Variants in FAM163B observed in about 807,000 individuals in gnomAD.
The protein encoded by FAM163B is family with sequence similarity 163 member B.
FAM163B carries 4 observed loss-of-function variants against 7.6 expected under a neutral mutation model. That is an observed-to-expected ratio of 0.52 (90% CI 0.26 to 1.20). The LOEUF is 1.20. Ranked by LOEUF, FAM163B falls within the 50% of genes most tolerant of loss-of-function variation. The probability of loss-of-function intolerance (pLI) is 0.14; values close to 1 mark genes in which losing one functional copy is unlikely to be tolerated. For synonymous variants in FAM163B, 120 were observed against 111.6 expected, an observed-to-expected ratio of 1.07 and a Z score of -0.47; for missense variants, 250 against 243.0, an observed-to-expected ratio of 1.03 and a Z score of -0.19.
intron 2 of FAM163B, among the ~76,000 whole-genome samples, 177 bp from the exon 3 acceptor site, chr9:133,579,606 C>T (rs771476298): frequency 0.015 from 2,342 of 152,354 alleles, 32 homozygotes; most frequent in Non-Finnish European, 0.026. Flanking sequence ...TCAGGCCAGG[C>T]GCAGTGCTGA....
rs1831695458 is a variant in FAM163B at position 133,600,049 on chromosome 9, G to T, written c.-24+9028C>A. 1.4e-5 allele frequency among the ~76,000 whole-genome samples: 2 copies of T among 144,262 alleles called. No individual in the cohort carries two copies. Among genetic ancestry groups the T allele is most frequent in the Non-Finnish European group, 3.0e-5 (2 of 66,738 alleles). 94.6% of individuals were successfully genotyped at this position (144,262 alleles called of 152,430 possible). Reference sequence around the variant, plus strand: ...GCATGTATGTGTGGTCTGTGTGGATGTGTGTGAGTTTGTGTGTGCATGTGT... The same window carrying T: ...GCATGTATGTGTGGTCTGTGTGGATTTGTGTGAGTTTGTGTGTGCATGTGT... On this transcript the variant is annotated intron_variant, in intron 1 of 2. Transcript: ENST00000673969. This position sits in a 1 kb window ranked among gnomAD's most constrained non-coding sequence, Gnocchi z 4.9.
intron 1 of FAM163B, among the ~76,000 whole-genome samples, chr9:133,607,073 T>A (rs1362221358): frequency 6.6e-6 from 1 of 152,100 alleles, no homozygotes; most frequent in Non-Finnish European, 1.5e-5. Context: ...TCCGAAGATT[T>A]CAAAACTGCT....
chr9:133,594,885 G>C (rs1254384031), intron 1 of FAM163B, among the ~76,000 whole-genome samples: 1 of 152,266 alleles, frequency 6.6e-6, no homozygotes, highest in South Asian at 2.1e-4. Flanking sequence ...GGCAGGGCAA[G>C]GCAGGACCTG....
intron 1 of FAM163B, among the ~76,000 whole-genome samples, chr9:133,586,715 C>G (rs1056280656): frequency 6.6e-6 from 1 of 152,152 alleles, no homozygotes; most frequent in African/African-American, 2.4e-5. Context: ...GCTGTTTCCA[C>G]GTTGGGCCAG....
chr9:133,596,259 G>A (rs10761413), intron 1 of FAM163B, among the ~76,000 whole-genome samples: 87,100 of 151,900 alleles, frequency 0.57, 25,982 homozygotes, highest in African/African-American at 0.73. Flanking sequence ...GGGAGCCCCC[G>A]AGTTTGCCAT....
intron 1 of FAM163B, among the ~76,000 whole-genome samples, chr9:133,604,073 C>A (rs909206841): frequency 6.6e-6 from 1 of 152,212 alleles, no homozygotes; most frequent in Non-Finnish European, 1.5e-5. Flanking sequence ...AACTCCTGAC[C>A]TCAAGTAATC....
rs1831317656 is a variant in FAM163B, at chr9:133,579,391, C to T, written c.132G>A (p.Glu44=). ...CCKKDESEED[E]EEPDFAVHSH... ...AGTGAACGGCGAAGTCTGGTTCCTC[C>T]TCGTCCTCCTCCGACTCGTCCTTCT... Residue 44 remains glutamate, a synonymous_variant, in exon 3 of 3, where the codon GAG becomes GAA. Coordinates refer to ENST00000673969, the MANE Select transcript of FAM163B (RefSeq NM_001080515.3). 8.1e-6 allele frequency: 13 copies of T among 1,609,724 alleles called. No individual in the cohort carries two copies. Among genetic ancestry groups the T allele is most frequent in the Non-Finnish European group, 1.1e-5 (13 of 1,178,674 alleles).
In FAM163B at chr9:133,602,325, C is replaced by T. The variant is rs554666430; in HGVS notation, c.-24+6752G>A. ...ACAGAGAGGTTTAGTAATGTGCCTA[C>T]GCTTACCAGCTGGAAGAGTTCGAAT... On this transcript the variant is annotated intron_variant, in intron 1 of 2. Transcript: ENST00000673969. Among the ~76,000 whole-genome samples the T allele has an allele frequency of 9.8e-5, 15 of 152,330 alleles. No individual in the cohort carries two copies. In the East Asian group the frequency reaches 2.7e-3, roughly 27 times the overall value.
Position 133,601,226 on chromosome 9 carries a change from C to T in FAM163B, c.-24+7851G>A, listed in dbSNP as rs559076314. ...GAGCCTCTGAGCTCTCTGGGCAGGG[C>T]GCGCCTTTGGAGCCGACTCAGTGAT... On this transcript the variant is annotated intron_variant, in intron 1 of 2. Transcript: ENST00000673969. This position sits in a 1 kb window ranked among gnomAD's most constrained non-coding sequence, Gnocchi z 4.1. Among the ~76,000 whole-genome samples, 4 of 152,312 alleles carry T rather than the reference C, an allele frequency of 2.6e-5. No individual in the cohort carries two copies. Among genetic ancestry groups the T allele is most frequent in the South Asian group, 2.1e-4 (1 of 4,818 alleles).
In FAM163B at chr9:133,584,089, G is replaced by T. The variant is rs796343265; in HGVS notation, c.-23-3843C>A. 9.3e-3 allele frequency among the ~76,000 whole-genome samples: 1,399 copies of T among 151,166 alleles called. 20 individuals are homozygous for T. The highest frequency in any genetic ancestry group is 0.033 in the African/African-American group (1,337 of 41,034). ...ACCACGCCATCAAAGCCCAGCACGT[G>T]CCCTCCTCTCCCAGGAAGCCTTCCT... On this transcript the variant is annotated intron_variant, in intron 1 of 2. Transcript: ENST00000673969.
rs1010582137 is a variant in FAM163B at position 133,580,304 on chromosome 9, G to A, written c.-23-58C>T. On this transcript the variant is annotated intron_variant, in intron 1 of 2. Transcript: ENST00000673969. Reference sequence around the variant, plus strand: ...CGCTTCCTCACCACAAAAGTCACTCGTGCTATTCTAGAGAACTGAGAAGAC... The same window carrying A: ...CGCTTCCTCACCACAAAAGTCACTCATGCTATTCTAGAGAACTGAGAAGAC... 19 of 1,315,750 alleles carry A rather than the reference G, an allele frequency of 1.4e-5. 1 individual carries two copies. The highest frequency in any genetic ancestry group is 1.8e-4 in the Middle Eastern group (1 of 5,518). 81.5% of individuals were successfully genotyped at this position (1,315,750 alleles called of 1,614,324 possible).
intron 1 of FAM163B, among the ~76,000 whole-genome samples, chr9:133,592,283 T>TGCA (rs1489954629): frequency 3.3e-5 from 5 of 152,116 alleles, no homozygotes; most frequent in African/African-American, 1.2e-4. Flanking sequence ...ATTTCTTGTC[T>TGCA]ACAGGAATCA....
chr9:133,589,954 G>A (rs1831512536), intron 1 of FAM163B, among the ~76,000 whole-genome samples: 4 of 152,210 alleles, frequency 2.6e-5, no homozygotes, highest in Admixed American at 1.3e-4. Context: ...CTCAGCTGCC[G>A]ACGGGGCTGG....
chr9:133,594,027 G>A (rs1007258455), intron 1 of FAM163B, among the ~76,000 whole-genome samples: 11 of 152,328 alleles, frequency 7.2e-5, no homozygotes, highest in African/African-American at 2.4e-4. Flanking sequence ...CTGGGGCTGC[G>A]GGGACATTTC....
At position 133,600,069 on chromosome 9, in the gene FAM163B, A is replaced by G. The variant is rs531464329; in HGVS notation, c.-24+9008T>C. On this transcript the variant is annotated intron_variant, in intron 1 of 2. Coordinates refer to ENST00000673969, the MANE Select transcript of FAM163B (RefSeq NM_001080515.3). The surrounding 1 kb of genome is among the most constrained non-coding windows in gnomAD (Gnocchi z 4.9). ...TGGATGTGTGTGAGTTTGTGTGTGC[A>G]TGTGTGTGTGTCTGTGTGCATGTGT... is the stretch of plus-strand genomic sequence containing the variant. Among the ~76,000 whole-genome samples, 44 of 127,462 alleles carry G rather than the reference A, an allele frequency of 3.5e-4. No individual in the cohort carries two copies. The highest frequency in any genetic ancestry group is 1.4e-3 in the African/African-American group (42 of 29,516). The allele number at this position is 127,462 out of a possible 152,430, so 83.6% of individuals were successfully genotyped here. A position where few individuals can be genotyped will look rare whatever the true frequency, so the allele number is the denominator to read the frequency against.
chr9:133,586,154 G>A (rs1214321423), intron 1 of FAM163B: 2 of 152,214 alleles, frequency 1.3e-5, no homozygotes, highest in African/African-American at 4.8e-5. Flanking sequence ...GTTGGTCTCC[G>A]AGATGTTATC....
At chr9:133,599,768 G>GT (rs1199607151) in intron 1 of FAM163B, among the ~76,000 whole-genome samples, 1 of 148,588 alleles carries the variant, frequency 6.7e-6, no homozygotes, top group Non-Finnish European at 1.5e-5. Context: ...GTACAAGTGT[G>GT]TTTTTGTCTG....
At chr9:133,590,091 T>TTCCCCTTCCCC (rs1564193500) in intron 1 of FAM163B, among the ~76,000 whole-genome samples, 2 of 10,398 alleles carry the variant, frequency 1.9e-4, no homozygotes, top group Non-Finnish European at 3.7e-4. Flanking sequence ...TCCCCTTCCC[T>TTCCCCTTCCCC]TCCCCTTCCC....
In FAM163B at chr9:133,600,907, T is replaced by G. The variant is rs1048196783; in HGVS notation, c.-24+8170A>C. On this transcript the variant is annotated intron_variant, in intron 1 of 2. Transcript: ENST00000673969. The surrounding 1 kb of genome is among the most constrained non-coding windows in gnomAD (Gnocchi z 4.9). ...CCAAGGCCATTAACTCAACTCTCCC[T>G]TGGTAGGGGGTAGGGGGGGAGCTTC... Among the ~76,000 whole-genome samples the G allele has an allele frequency of 1.3e-5, 2 of 152,124 alleles. No individual in the cohort carries two copies. Among genetic ancestry groups the G allele is most frequent in the Non-Finnish European group, 2.9e-5 (2 of 68,008 alleles).
Sources: allele counts gnomAD v4.1 joint callset (sites outside exome capture counted in the v4.1 genomes callset), GRCh38; gene constraint gnomAD v4.1.1; non-coding constraint Gnocchi (gnomAD v3.1); transcripts MANE v1.5; gene names NCBI Gene and HGNC (gene_info 2026-07-23, HGNC 2026-07-21).